The following RBM10 variants were observed in gnomAD, a reference collection of about 807,000 sequenced individuals.
RBM10 encodes RNA binding motif protein 10.
In RBM10, 1 loss-of-function variant was observed where a neutral mutation model predicts 84.9. That is an observed-to-expected ratio of 0.01 (90% CI 0.00 to 0.06). The LOEUF is 0.06. RBM10 is among the 10% of genes least tolerant of loss of function. The pLI is 1.00. For synonymous variants in RBM10, 326 were observed against 344.5 expected (o/e 0.95, Z 0.60); for missense variants, 438 against 839.0 (o/e 0.52, Z 5.90).
intron 4 of RBM10, 60 bp from the exon 5 acceptor site, chrX:47,173,068 C>A (rs1934790795): frequency 8.3e-7 from 1 of 1,210,232 alleles, no homozygotes; most frequent in Non-Finnish European, 1.1e-6. Flanking sequence ...TCCAGCCAGC[C>A]TCAGGTACCC....
At chrX:47,168,689 A>G (rs1167478767) in intron 2 of RBM10, among the ~76,000 whole-genome samples, 1 of 111,811 alleles carries the variant, frequency 8.9e-6, no homozygotes, top group African/African-American at 3.2e-5. Flanking sequence ...GTGGTGCAAG[A>G]CAGGGAGGAG....
chrX:47,163,700 CTT>C (rs1228985236), intron 2 of RBM10, among the ~76,000 whole-genome samples: 2 of 105,517 alleles, frequency 1.9e-5, no homozygotes, highest in East Asian at 2.9e-4. Flanking sequence ...AGATTAGAAA[CTT>C]TTTTTTTTGA....
chrX:47,158,367 C>G (rs781909734), intron 2 of RBM10, among the ~76,000 whole-genome samples: 3 of 111,914 alleles, frequency 2.7e-5, no homozygotes, highest in Admixed American at 9.5e-5. Flanking sequence ...ACAACCCCCC[C>G]ACCCCTGGCC....
chrX:47,165,666 A>G (rs1262521886), intron 2 of RBM10, among the ~76,000 whole-genome samples: 1 of 110,250 alleles, frequency 9.1e-6, no homozygotes, highest in Non-Finnish European at 1.9e-5. Context: ...TAAAAATACA[A>G]AAATTAGCCA....
At position 47,162,671 on chromosome X, in the gene RBM10, C is replaced by G. The variant is rs184507601; in HGVS notation, c.18-6644C>G. On this transcript the variant is annotated intron_variant, in intron 2 of 23. Coordinates refer to ENST00000377604, the MANE Select transcript of RBM10 (RefSeq NM_005676.5). ...GGGGCGGATCGTGAAGTCAGGAGAT[C>G]GAGACCAGCCTGGCCAACATGATGA... is the stretch of plus-strand genomic sequence containing the variant. Among the ~76,000 whole-genome samples, 17 of 109,454 alleles carry G rather than the reference C, an allele frequency of 1.6e-4. No homozygotes were observed. The South Asian group carries it at 3.2e-3, about 20-fold the overall frequency.
At chrX:47,149,272 C>T (rs782514256) in intron 2 of RBM10, among the ~76,000 whole-genome samples, 1 of 111,710 alleles carries the variant, frequency 9.0e-6, no homozygotes, top group African/African-American at 3.2e-5. Flanking sequence ...ATTCTCCTCC[C>T]TTGGCCTCCC....
At chrX:47,161,770 G>A (rs1007250103) in intron 2 of RBM10, among the ~76,000 whole-genome samples, 26 of 109,268 alleles carry the variant, frequency 2.4e-4, no homozygotes, top group African/African-American at 7.7e-4. Context: ...GGGCTCGAGC[G>A]ATCCGCCCAC....
chrX:47,157,769 C>A (rs1444755695), intron 2 of RBM10: 4 of 406,693 alleles, frequency 9.8e-6, no homozygotes, highest in South Asian at 3.8e-5. Flanking sequence ...GGCTGAGGTT[C>A]AGCTGCATGA....
chrX:47,152,072 C>T (rs782510329), intron 2 of RBM10, among the ~76,000 whole-genome samples: 27 of 111,375 alleles, frequency 2.4e-4, no homozygotes, highest in Admixed American at 1.8e-3. Flanking sequence ...ATCAGCCAGG[C>T]GTGGTGAAGC....
intron 2 of RBM10, among the ~76,000 whole-genome samples, chrX:47,163,859 ATTTTTTTTTTTTT>A (rs35919377): frequency 1.0e-4 from 4 of 40,102 alleles, no homozygotes; most frequent in Non-Finnish European, 1.6e-4. Context: ...CGCCTGGCTA[ATTTTTTTTTTTTT>A]TTTTTTTTTT....
In RBM10 at chrX:47,147,429, G is replaced by A. The variant is rs781795179; in HGVS notation, c.-53G>A. 49 of 1,208,298 alleles carry A rather than the reference G, an allele frequency of 4.1e-5. No individual in the cohort carries two copies. The Middle Eastern group carries it at 6.9e-4, about 17-fold the overall frequency. ...AGCGGGGGTGGCTGGGAAGTGAAAC[G>A]GAGCCAGCGGCTGAGGAGGGGCCCC... On this transcript the variant is annotated 5_prime_UTR_variant, in exon 2 of 24. Coordinates refer to ENST00000377604, the MANE Select transcript of RBM10 (RefSeq NM_005676.5).
chrX:47,169,181 C>A, intron 2 of RBM10, 134 bp from the exon 3 acceptor site: 1 of 515,112 alleles, frequency 1.9e-6, no homozygotes, highest in East Asian at 3.6e-5. Flanking sequence ...CTGATAGGAT[C>A]AGAAGGGCAC....
rs1556782354 is a variant in RBM10 at position 47,186,062 on chromosome X, C to A, written c.2431-3C>A. 1 of 1,210,835 alleles carries A rather than the reference C, an allele frequency of 8.3e-7. No homozygotes were observed. Among genetic ancestry groups the A allele is most frequent in the Non-Finnish European group, 1.1e-6 (1 of 894,949 alleles). ...ACATTCACATACACATACAAACTTT[C>A]AGCAAATGAAGTACCGGGACCGTGC... On this transcript the variant is annotated splice_polypyrimidine_tract_variant and splice_region_variant and intron_variant, in intron 21 of 23. Transcript: ENST00000377604.
intron 2 of RBM10, chrX:47,156,914 C>A (rs781941702): frequency 9.5e-6 from 2 of 211,368 alleles, no homozygotes; most frequent in Non-Finnish European, 1.8e-5. Flanking sequence ...TGGCTGTGCT[C>A]TGGTCTTGGA....
chrX:47,183,652 A>G (rs904530250), intron 17 of RBM10, among the ~76,000 whole-genome samples: 3 of 111,392 alleles, frequency 2.7e-5, no homozygotes, highest in South Asian at 3.7e-4. Flanking sequence ...CTTCAGCACT[A>G]TACAATCTGT....
intron 1 of RBM10, among the ~76,000 whole-genome samples, chrX:47,147,077 C>A (rs1315946757): frequency 8.9e-6 from 1 of 111,857 alleles, no homozygotes. Flanking sequence ...CCTGATCACA[C>A]TGTGGGTGGC....
In RBM10 at chrX:47,185,220, C is replaced by A. The variant is rs944765233; in HGVS notation, c.2100+16C>A. 8.2e-7 allele frequency: 1 copy of A among 1,212,236 alleles called. No homozygotes were observed. Among genetic ancestry groups the A allele is most frequent in the Non-Finnish European group, 1.1e-6 (1 of 895,432 alleles). On this transcript the variant is annotated intron_variant, in intron 18 of 23. Coordinates refer to ENST00000377604, the MANE Select transcript of RBM10 (RefSeq NM_005676.5). Reference sequence around the variant, plus strand: ...CGAGAAGAAGGTGTGTTGGGGCCACCCCCCTGCACCCTGCCCCACAATCTT... The same window carrying A: ...CGAGAAGAAGGTGTGTTGGGGCCACACCCCTGCACCCTGCCCCACAATCTT...
At chrX:47,154,380 A>T (rs1427669994) in intron 2 of RBM10, among the ~76,000 whole-genome samples, 1 of 110,170 alleles carries the variant, frequency 9.1e-6, no homozygotes, top group East Asian at 2.8e-4. Flanking sequence ...GGATAATTTC[A>T]TCTGAAAATT....
intron 7 of RBM10, among the ~76,000 whole-genome samples, chrX:47,177,513 A>T (rs1322663526): frequency 8.9e-6 from 1 of 112,475 alleles, no homozygotes; most frequent in African/African-American, 3.2e-5. Flanking sequence ...TTTTAAAAAA[A>T]AAAGTCCCAT....
Sources: gnomAD v4.1 joint callset for allele counts (sites outside exome capture counted in the v4.1 genomes callset) on GRCh38, gnomAD v4.1.1 for gene constraint, MANE v1.5 for transcripts, NCBI Gene and HGNC (gene_info 2026-07-23, HGNC 2026-07-21) for gene names.